The following POLR1A variants were observed in gnomAD, a reference collection of about 807,000 sequenced individuals.
The protein encoded by POLR1A is RNA polymerase I subunit A.
A neutral mutation model predicts 205.3 loss-of-function variants in POLR1A; 84 were observed. That is an observed-to-expected ratio of 0.41 (90% CI 0.34 to 0.49). The LOEUF is 0.49. POLR1A is among the 20% of genes least tolerant of loss of function. POLR1A has a pLI of 0.22. For synonymous variants in POLR1A, 799 were observed against 863.7 expected, an observed-to-expected ratio of 0.93 and a Z score of 1.31; for missense variants, 1,645 against 2,204.5, an observed-to-expected ratio of 0.75 and a Z score of 5.08.
intron 27 of POLR1A, among the ~76,000 whole-genome samples, chr2:86,035,011 C>T (rs1672468579): frequency 6.6e-6 from 1 of 152,106 alleles, no homozygotes; most frequent in Non-Finnish European, 1.5e-5. Flanking sequence ...GCTGGGATTA[C>T]AGGCATGCAC....
Position 86,027,294 on chromosome 2 carries a change from G to A in POLR1A, c.*129C>T. On this transcript the variant is annotated 3_prime_UTR_variant, in exon 34 of 34. Transcript: ENST00000263857. ...CACTGCTTTCAGGCCCAAGGTCGCT[G>A]CTGTGCTCTGTACTGTCACTTGGAA... The A allele has an allele frequency of 1.3e-6, 1 of 767,408 alleles. No individual in the cohort carries two copies. The highest frequency in any genetic ancestry group is 2.3e-6 in the Non-Finnish European group (1 of 433,430). 47.5% of individuals were successfully genotyped at this position (767,408 alleles called of 1,614,324 possible). A position where few individuals can be genotyped will look rare whatever the true frequency, so the allele number is the denominator to read the frequency against.
chr2:86,077,008 G>A (rs746410249), intron 11 of POLR1A, among the ~76,000 whole-genome samples: 2 of 152,176 alleles, frequency 1.3e-5, no homozygotes, highest in African/African-American at 2.4e-5. Flanking sequence ...GACACATCAC[G>A]CCTTTGTCCA....
chr2:86,033,791 A>G lies in POLR1A; in HGVS notation c.4035-4T>C. 1 of 1,613,850 alleles carries G rather than the reference A, an allele frequency of 6.2e-7. No homozygotes were observed. The highest frequency in any genetic ancestry group is 8.5e-7 in the Non-Finnish European group (1 of 1,179,988). ...TTCCATCAGAAGTTTAAAGAATCTA[A>G]AACAAGAAGAAAGCCAAAAAGCCCT... On this transcript the variant is annotated splice_polypyrimidine_tract_variant and splice_region_variant and intron_variant, in intron 27 of 33. Coordinates refer to ENST00000263857, the MANE Select transcript of POLR1A (RefSeq NM_015425.6).
intron 12 of POLR1A, among the ~76,000 whole-genome samples, chr2:86,072,713 G>A (rs1014709465): frequency 2.6e-5 from 4 of 152,204 alleles, no homozygotes; most frequent in South Asian, 2.1e-4. Flanking sequence ...TTGGCTCTCC[G>A]GGCCATTTCC....
intron 12 of POLR1A, among the ~76,000 whole-genome samples, chr2:86,072,973 G>A (rs765302238): frequency 2.0e-5 from 3 of 152,178 alleles, no homozygotes; most frequent in Non-Finnish European, 4.4e-5. Flanking sequence ...AGAACTTCGG[G>A]AGGCTGAGGA....
At chr2:86,101,528 T>G (rs992763401) in intron 1 of POLR1A, among the ~76,000 whole-genome samples, 3 of 152,190 alleles carry the variant, frequency 2.0e-5, no homozygotes, top group Admixed American at 6.5e-5. Context: ...TTGATCTAAC[T>G]CAAAAGTTGT....
intron 13 of POLR1A, among the ~76,000 whole-genome samples, chr2:86,069,183 C>T (rs897614004): frequency 2.1e-4 from 32 of 152,232 alleles, no homozygotes; most frequent in Non-Finnish European, 2.9e-5. Context: ...AAATGGGAGC[C>T]TTGGTTTGAC....
chr2:86,053,032 G>T (rs748416977), intron 15 of POLR1A, 32 bp from the exon 16 acceptor site: 11 of 1,507,850 alleles, frequency 7.3e-6, no homozygotes, highest in Non-Finnish European at 8.0e-6. Flanking sequence ...ATGCCGGGCT[G>T]CGGGTGATGC....
Position 86,040,514 on chromosome 2 carries a change from C to T in POLR1A, c.3618G>A (p.Glu1206=). The T allele has an allele frequency of 6.2e-7, 1 of 1,607,732 alleles. No homozygotes were observed. The highest frequency in any genetic ancestry group is 8.5e-7 in the Non-Finnish European group (1 of 1,177,120). The change falls in exon 25 of 34, where the codon GAG becomes GAA. Residue 1206 remains glutamate, a synonymous_variant. Transcript: ENST00000263857. ...LQLKWQRSLC[E]PGEAVGLLAA... ...CCAGCAGGCCCACAGCCTCGCCCGGCTCACACAGTGAGCGCTGCCACTTCA... is the reference window on the plus strand; with the variant it reads ...CCAGCAGGCCCACAGCCTCGCCCGGTTCACACAGTGAGCGCTGCCACTTCA...
chr2:86,035,062 G>T (rs1672469580), intron 27 of POLR1A, among the ~76,000 whole-genome samples: 1 of 152,128 alleles, frequency 6.6e-6, no homozygotes, highest in South Asian at 2.1e-4. Flanking sequence ...GTAGAAACGG[G>T]GTTTCACCAT....
chr2:86,033,843 C>A, intron 27 of POLR1A, 56 bp from the exon 28 acceptor site: 1 of 1,598,050 alleles, frequency 6.3e-7, no homozygotes. Flanking sequence ...TCCAGCCCTA[C>A]CCTCATTTGG....
chr2:86,088,453 C>T (rs1673542798), intron 6 of POLR1A, 113 bp downstream of exon 6: 1 of 706,020 alleles, frequency 1.4e-6, no homozygotes, highest in Non-Finnish European at 2.5e-6. Flanking sequence ...CCTCTGCTGG[C>T]CCCTCCCAAA....
intron 1 of POLR1A, among the ~76,000 whole-genome samples, chr2:86,104,503 A>T (rs1468000529): frequency 7.0e-6 from 1 of 142,154 alleles, no homozygotes; most frequent in Non-Finnish European, 1.5e-5. Context: ...GCTGGAGTGC[A>T]GTGGCACAAT....
In POLR1A at chr2:86,088,596, T is replaced by G; in HGVS notation, c.700A>C (p.Thr234Pro). The G allele has an allele frequency of 1.2e-6, 2 of 1,613,886 alleles. No homozygotes were observed. The highest frequency in any genetic ancestry group is 2.2e-5 in the South Asian group (2 of 91,074). ...GGCTCAGAGTCCTTCTGGCCAGCTG[T>G]CCTGTGCACCATGGCTGGAAACGTG... Reference protein sequence around the residue: ...TITFPAMVHRTAGQKDSEPLG... With the variant: ...TITFPAMVHRPAGQKDSEPLG... The change falls in exon 6 of 34, where the codon ACA (threonine) becomes CCA (proline). Residue 234 changes from threonine to proline, a missense_variant. By Grantham distance (38) the Thr-to-Pro change is conservative (BLOSUM62 -1). Around this residue, in one of 16 missense-constraint regions of POLR1A, gnomAD observed 330 missense variants for 375.6 expected, o/e 0.88. Coordinates refer to ENST00000263857, the MANE Select transcript of POLR1A (RefSeq NM_015425.6).
In POLR1A at chr2:86,031,362, G is replaced by T. The variant is rs752751696; in HGVS notation, c.4546C>A (p.Gln1516Lys). ...CACAGGCTCTCCTCGGTGTCGTACT[G>T]GTAGTCATCTATGAACGGGTGGATC... is the stretch of plus-strand genomic sequence containing the variant. ...REIHPFIDDY[Q>K]YDTEESLWCQ... Residue 1516 changes from glutamine (Q) to lysine (K), a missense_variant, in exon 30 of 34, where the codon CAG becomes AAG. Transcript: ENST00000263857. 1 of 1,590,422 alleles carries T rather than the reference G, an allele frequency of 6.3e-7. No individual in the cohort carries two copies. Among genetic ancestry groups the T allele is most frequent in the Non-Finnish European group, 8.6e-7 (1 of 1,165,708 alleles).
chr2:86,037,115 C>T (rs973416272), intron 27 of POLR1A: 6 of 152,366 alleles, frequency 3.9e-5, no homozygotes, highest in African/African-American at 7.2e-5. Context: ...AGCACAAACG[C>T]CCCCTGCACT....
rs200889792 is a variant in POLR1A, at chr2:86,105,795, A to G, written c.-19T>C. On this transcript the variant is annotated 5_prime_UTR_variant, in exon 1 of 34. Transcript: ENST00000263857. ...TCAACATCCTCCAGGTCCGTTTTGA[A>G]TTCCGACACCCCAAGAGACGTTCCA... The G allele has an allele frequency of 2.7e-4, 428 of 1,605,372 alleles. 1 individual carries two copies. The highest frequency in any genetic ancestry group is 2.4e-4 in the South Asian group (22 of 90,916).
intron 6 of POLR1A, 33 bp from the exon 7 acceptor site, chr2:86,083,201 A>T (rs1032972898): frequency 1.4e-6 from 2 of 1,425,674 alleles, no homozygotes; most frequent in Non-Finnish European, 2.0e-6. Context: ...AAGTGCAATA[A>T]ATCAGAAACA....
At chr2:86,100,798 C>G (rs920943052) in intron 1 of POLR1A, among the ~76,000 whole-genome samples, 1 of 152,184 alleles carries the variant, frequency 6.6e-6, no homozygotes, top group Non-Finnish European at 1.5e-5. Context: ...GCCTCAGCCT[C>G]CCAAAGTGCT....
Sources: allele counts gnomAD v4.1 joint callset (sites outside exome capture counted in the v4.1 genomes callset), GRCh38; gene constraint gnomAD v4.1.1; regional missense constraint gnomAD v4.1.1; transcripts MANE v1.5; gene names NCBI Gene and HGNC (gene_info 2026-07-23, HGNC 2026-07-21).